Variants in FMN1 observed in about 807,000 individuals in gnomAD.
The protein encoded by FMN1 is formin-1.
A neutral mutation model predicts 132.4 loss-of-function variants in FMN1; 110 were observed. The observed-to-expected ratio is 0.83, with a 90% CI of 0.71 to 0.97. The LOEUF is 0.97. Ranked by LOEUF, FMN1 falls within the 50% of genes least tolerant of loss-of-function variation. FMN1 has a pLI of 0.00. For synonymous variants in FMN1, 722 were observed against 651.7 expected (o/e 1.11, Z -1.64); for missense variants, 1,792 against 1,705.3 (o/e 1.05, Z -0.90).
At chr15:32,809,055 G>T (rs1171933057) in intron 17 of FMN1, among the ~76,000 whole-genome samples, 1 of 149,142 alleles carries the variant, frequency 6.7e-6, no homozygotes, top group Non-Finnish European at 1.5e-5. Context: ...AGGAGAAAGA[G>T]AAAAACTTAT....
At chr15:32,950,256 A>G (rs2061622593) in intron 9 of FMN1, among the ~76,000 whole-genome samples, 1 of 151,354 alleles carries the variant, frequency 6.6e-6, no homozygotes, top group African/African-American at 2.4e-5. Context: ...AATTAGTTCA[A>G]CTATTGTGAA....
rs917662464 is a variant in FMN1, at chr15:32,771,687, T to C, written c.*2623A>G. On this transcript the variant is annotated 3_prime_UTR_variant, in exon 21 of 21. Coordinates refer to ENST00000616417, the MANE Select transcript of FMN1 (RefSeq NM_001277313.2). The stretch of plus-strand genomic sequence containing the variant: ...CCTAGAACAGCCACTTAAAGCCTGC[T>C]GGCAGGATGTGCTTAAGCTGCCAAA... 5.9e-5 allele frequency: 9 copies of C among 152,246 alleles called. No homozygotes were observed. Among genetic ancestry groups the C allele is most frequent in the African/African-American group, 2.2e-4 (9 of 41,472 alleles). 9.4% of individuals were successfully genotyped at this position (152,246 alleles called of 1,614,324 possible). A position where few individuals can be genotyped will look rare whatever the true frequency, so the allele number is the denominator to read the frequency against.
intron 10 of FMN1, among the ~76,000 whole-genome samples, chr15:32,917,160 G>A (rs2060704439): frequency 6.6e-6 from 1 of 152,234 alleles, no homozygotes; most frequent in Non-Finnish European, 1.5e-5. Flanking sequence ...AGGGGAGCCA[G>A]TAGAGAGGGG....
chr15:32,880,621 T>C (rs1343863502), intron 16 of FMN1, among the ~76,000 whole-genome samples: 7 of 152,220 alleles, frequency 4.6e-5, no homozygotes, highest in Admixed American at 4.6e-4. Flanking sequence ...GATAACTGTA[T>C]GGGAGATAAG....
intron 5 of FMN1, among the ~76,000 whole-genome samples, chr15:33,085,126 T>C (rs958393516): frequency 6.6e-6 from 1 of 152,174 alleles, no homozygotes; most frequent in African/African-American, 2.4e-5. Flanking sequence ...TTGATTTCTG[T>C]AAGCTATTGG....
intron 6 of FMN1, among the ~76,000 whole-genome samples, chr15:33,045,539 G>A (rs2036638077): frequency 1.3e-5 from 2 of 152,196 alleles, no homozygotes; most frequent in Non-Finnish European, 2.9e-5. Context: ...GGATTTCAGA[G>A]CTCCATGGAC....
In FMN1 at chr15:33,153,748, C is replaced by T; in HGVS notation, c.1167G>A (p.Glu389=). 6.5e-7 allele frequency: 1 copy of T among 1,536,268 alleles called. No homozygotes were observed. Among genetic ancestry groups the T allele is most frequent in the Non-Finnish European group, 8.7e-7 (1 of 1,146,940 alleles). ...GAHGSRRQGK[E]RQGDRSSQSP... The stretch of plus-strand genomic sequence containing the variant: ...ACTGCGATGACCTATCCCCTTGCCG[C>T]TCCTTGCCCTGCCGCCTGGAGCCAT... The change falls in exon 4 of 21, where the codon GAG becomes GAA. Residue 389 remains glutamate, a synonymous_variant. Coordinates refer to ENST00000616417, the MANE Select transcript of FMN1 (RefSeq NM_001277313.2).
At chr15:32,823,736 C>A (rs1331335565) in intron 17 of FMN1, among the ~76,000 whole-genome samples, 1 of 152,142 alleles carries the variant, frequency 6.6e-6, no homozygotes, top group South Asian at 2.1e-4. Context: ...TTTTAAAATA[C>A]CAATTTTAAA....
chr15:33,120,412 T>TAGA (rs1962439170), intron 4 of FMN1, among the ~76,000 whole-genome samples: 1 of 152,166 alleles, frequency 6.6e-6, no homozygotes, highest in South Asian at 2.1e-4. Flanking sequence ...ACAGAGTGGT[T>TAGA]AGCTACTGCA....
chr15:33,067,329 C>T, intron 5 of FMN1: 2 of 1,613,980 alleles, frequency 1.2e-6, no homozygotes, highest in Non-Finnish European at 8.5e-7. Flanking sequence ...TCCCTGAAAC[C>T]TCCTGGGTTT....
intron 6 of FMN1, among the ~76,000 whole-genome samples, chr15:33,020,339 C>T (rs1381710155): frequency 6.6e-6 from 1 of 151,624 alleles, no homozygotes; most frequent in Non-Finnish European, 1.5e-5. Flanking sequence ...AACCCCCCCA[C>T]CAGATTCGGT....
chr15:32,987,337 T>C (rs977239431), intron 7 of FMN1, among the ~76,000 whole-genome samples: 10 of 152,196 alleles, frequency 6.6e-5, no homozygotes, highest in African/African-American at 2.4e-4. Flanking sequence ...TTTGGTGCCA[T>C]GTACCCTTTA....
At chr15:32,939,092 G>C (rs986806169) in intron 9 of FMN1, among the ~76,000 whole-genome samples, 2 of 152,204 alleles carry the variant, frequency 1.3e-5, no homozygotes, top group African/African-American at 2.4e-5. Context: ...GGACAGTTGT[G>C]CACTGGGGGC....
intron 4 of FMN1, among the ~76,000 whole-genome samples, chr15:33,148,663 C>G (rs1337492582): frequency 6.6e-6 from 1 of 151,122 alleles, no homozygotes; most frequent in Non-Finnish European, 1.5e-5. Context: ...CCTGTCTGGG[C>G]TCCAGTGACC....
chr15:32,777,426 C>T (rs1029250446), intron 19 of FMN1, among the ~76,000 whole-genome samples: 5 of 105,868 alleles, frequency 4.7e-5, no homozygotes, highest in African/African-American at 1.5e-4. Context: ...AGGTTTTTTT[C>T]CATTCAAAAA....
At chr15:32,960,543 G>T (rs1010749438) in intron 9 of FMN1, among the ~76,000 whole-genome samples, 9 of 152,142 alleles carry the variant, frequency 5.9e-5, no homozygotes, top group African/African-American at 2.2e-4. Context: ...TTTTGATCAT[G>T]ATTTTTATCC....
In FMN1 at chr15:32,874,017, G is replaced by GTTTTTTT. The variant is rs962842419; in HGVS notation, c.3835+14148_3835+14154dup. Among the ~76,000 whole-genome samples, 802 of 114,984 alleles carry GTTTTTTT rather than the reference G, an allele frequency of 7.0e-3. 8 individuals are homozygous for GTTTTTTT. Among genetic ancestry groups the GTTTTTTT allele is most frequent in the Non-Finnish European group, 0.01 (581 of 56,736 alleles). The allele number at this position is 114,984 out of a possible 152,430, so 75.4% of individuals were successfully genotyped here. Reference sequence around the variant, plus strand: ...TATGATTCACAATTTTATTTTAGTTGTTTTTTTTTTTTTTTTTTTGATACA... The same window carrying GTTTTTTT: ...TATGATTCACAATTTTATTTTAGTTGTTTTTTTTTTTTTTTTTTTTTTTTTTGATACA... On this transcript the variant is annotated intron_variant, in intron 16 of 20. Transcript: ENST00000616417.
chr15:32,944,148 C>G (rs1276923591), intron 9 of FMN1, among the ~76,000 whole-genome samples: 3 of 152,232 alleles, frequency 2.0e-5, no homozygotes, highest in Admixed American at 6.5e-5. Flanking sequence ...CTTGCTTTCT[C>G]TCTTACGGGA....
intron 4 of FMN1, among the ~76,000 whole-genome samples, chr15:33,101,485 G>A (rs1025081727): frequency 2.6e-5 from 4 of 152,036 alleles, no homozygotes; most frequent in Non-Finnish European, 5.9e-5. Flanking sequence ...CACAAAAAAT[G>A]TTTTAAGCAA....
Sources: allele counts gnomAD v4.1 joint callset (sites outside exome capture counted in the v4.1 genomes callset), GRCh38; gene constraint gnomAD v4.1.1; transcripts MANE v1.5; gene names NCBI Gene and HGNC (gene_info 2026-07-23, HGNC 2026-07-21).